Variants in IGF2BP3 observed in about 807,000 individuals in gnomAD.
The protein encoded by IGF2BP3 is insulin-like growth factor 2 mRNA-binding protein 3.
In IGF2BP3, 9 loss-of-function variants were observed where a neutral mutation model predicts 73.8. That is an observed-to-expected ratio of 0.12 (90% CI 0.07 to 0.21). The LOEUF (loss-of-function observed/expected upper bound fraction) is 0.21. IGF2BP3 is among the 10% of genes least tolerant of loss of function. The pLI is 1.00. For synonymous variants in IGF2BP3, 258 were observed against 256.7 expected, an observed-to-expected ratio of 1.01 and a Z score of -0.05; for missense variants, 542 against 714.0, an observed-to-expected ratio of 0.76 and a Z score of 2.75.
intron 12 of IGF2BP3, 141 bp from the exon 13 acceptor site, chr7:23,313,794 T>C (rs954039522): frequency 7.6e-6 from 6 of 793,428 alleles, no homozygotes; most frequent in Non-Finnish European, 1.2e-5. Context: ...GAAAATAACA[T>C]AGAAGAGAGC....
At chr7:23,443,926 T>C (rs1415102492) in intron 2 of IGF2BP3, among the ~76,000 whole-genome samples, 2 of 152,062 alleles carry the variant, frequency 1.3e-5, no homozygotes, top group African/African-American at 4.8e-5. Context: ...GGAGAATCGC[T>C]TGAACCCAGG....
At chr7:23,328,919 T>C (rs1269064652) in intron 10 of IGF2BP3, among the ~76,000 whole-genome samples, 1 of 151,984 alleles carries the variant, frequency 6.6e-6, no homozygotes, top group Non-Finnish European at 1.5e-5. Context: ...AGTAAAAATT[T>C]AAAACAAGAG....
chr7:23,332,961 A>T lies in IGF2BP3; in HGVS notation c.1203+9103T>A, dbSNP rs185786212. The stretch of plus-strand genomic sequence containing the variant: ...ATATACTTGGGGGAAGCTGGTGGTG[A>T]TAAAGACCTTTTCAATGGTCAAACT... On this transcript the variant is annotated intron_variant, in intron 10 of 14. Coordinates refer to ENST00000258729, the MANE Select transcript of IGF2BP3 (RefSeq NM_006547.3). Among the ~76,000 whole-genome samples the T allele has an allele frequency of 9.5e-4, 145 of 152,362 alleles. 2 individuals carry two copies. The Middle Eastern group carries it at 0.02, about 21-fold the overall frequency.
chr7:23,338,110 T>C (rs1784618843), intron 10 of IGF2BP3, among the ~76,000 whole-genome samples: 1 of 152,040 alleles, frequency 6.6e-6, no homozygotes, highest in African/African-American at 2.4e-5. Context: ...AAAACAGACA[T>C]AACGGCAACA....
intron 3 of IGF2BP3, among the ~76,000 whole-genome samples, chr7:23,378,898 G>A (rs930456820): frequency 2.0e-5 from 3 of 151,882 alleles, no homozygotes; most frequent in Admixed American, 6.6e-5. Context: ...AGGCTCCCCC[G>A]GAAGAGTACT....
At chr7:23,421,342 C>T (rs752511090) in intron 2 of IGF2BP3, among the ~76,000 whole-genome samples, 2 of 137,844 alleles carry the variant, frequency 1.5e-5, no homozygotes, top group Non-Finnish European at 3.3e-5. Context: ...AAAATATACC[C>T]TAATAAAAAG....
At chr7:23,347,481 G>T in intron 7 of IGF2BP3, 119 bp downstream of exon 7, 2 of 1,019,608 alleles carry the variant, frequency 2.0e-6, no homozygotes, top group Non-Finnish European at 2.9e-6. Context: ...AACCACTGTA[G>T]CTCATCAGGA....
chr7:23,451,555 T>C (rs913027560), intron 2 of IGF2BP3, among the ~76,000 whole-genome samples: 3 of 149,974 alleles, frequency 2.0e-5, no homozygotes, highest in African/African-American at 7.4e-5. Context: ...GATTGCACCA[T>C]TGAATTCCAC....
At chr7:23,423,247 C>T (rs1299437462) in intron 2 of IGF2BP3, among the ~76,000 whole-genome samples, 1 of 152,150 alleles carries the variant, frequency 6.6e-6, no homozygotes, top group African/African-American at 2.4e-5. Flanking sequence ...TTATAATCAT[C>T]CAGCACAGAT....
At chr7:23,380,477 C>A (rs911740321) in intron 3 of IGF2BP3, among the ~76,000 whole-genome samples, 1 of 152,094 alleles carries the variant, frequency 6.6e-6, no homozygotes, top group Non-Finnish European at 1.5e-5. Flanking sequence ...GCCCACCATG[C>A]TTCTTGGCCG....
At chr7:23,459,205 A>G (rs1788387531) in intron 2 of IGF2BP3, among the ~76,000 whole-genome samples, 1 of 152,206 alleles carries the variant, frequency 6.6e-6, no homozygotes, top group South Asian at 2.1e-4. Flanking sequence ...CTCAAAATCA[A>G]CTGATCTAAC....
intron 2 of IGF2BP3, among the ~76,000 whole-genome samples, chr7:23,429,249 CTT>C (rs1491312996): frequency 6.6e-6 from 1 of 152,110 alleles, no homozygotes; most frequent in Non-Finnish European, 1.5e-5. Context: ...CAGAAAGTCT[CTT>C]ATATTTGCAT....
At chr7:23,361,484 T>G in intron 5 of IGF2BP3, 50 bp downstream of exon 5, 1 of 1,461,554 alleles carries the variant, frequency 6.8e-7, no homozygotes, top group Non-Finnish European at 9.5e-7. Context: ...AATATGTTAC[T>G]GTACTTAACT....
chr7:23,351,718 A>G, intron 5 of IGF2BP3, 132 bp from the exon 6 acceptor site: 1 of 885,264 alleles, frequency 1.1e-6, no homozygotes, highest in Non-Finnish European at 1.7e-6. Flanking sequence ...CAGCACAAGC[A>G]GCAAACCCGC....
intron 7 of IGF2BP3, among the ~76,000 whole-genome samples, chr7:23,347,057 T>C (rs1784846320): frequency 1.3e-5 from 2 of 152,212 alleles, no homozygotes; most frequent in Non-Finnish European, 2.9e-5. Flanking sequence ...TTACTCTCGA[T>C]TCTACTTTCA....
Position 23,347,738 on chromosome 7 carries a change from A to C in IGF2BP3, c.684-4T>G. 1 of 1,613,928 alleles carries C rather than the reference A, an allele frequency of 6.2e-7. No individual in the cohort carries two copies. Among genetic ancestry groups the C allele is most frequent in the Non-Finnish European group, 8.5e-7 (1 of 1,179,982 alleles). On this transcript the variant is annotated splice_region_variant and splice_polypyrimidine_tract_variant and intron_variant, in intron 6 of 14. Coordinates refer to ENST00000258729, the MANE Select transcript of IGF2BP3 (RefSeq NM_006547.3). ...TTCTTTACGGTGGACATCGATTCTG[A>C]TAGTGGGCGCAAGCAGAGAGGAAAA...
intron 3 of IGF2BP3, among the ~76,000 whole-genome samples, chr7:23,369,789 T>C (rs1457737984): frequency 6.6e-6 from 1 of 152,088 alleles, no homozygotes; most frequent in South Asian, 2.1e-4. Flanking sequence ...ATACCAGATA[T>C]ATCCCCACCT....
chr7:23,312,942 C>CCTG, intron 13 of IGF2BP3, 94 bp from the exon 14 acceptor site: 1 of 696,940 alleles, frequency 1.4e-6, no homozygotes, highest in Non-Finnish European at 2.4e-6. Context: ...CTATGTATGG[C>CCTG]TTTACAAATT....
intron 2 of IGF2BP3, among the ~76,000 whole-genome samples, chr7:23,427,363 C>T (rs2128540038): frequency 6.6e-6 from 1 of 152,256 alleles, no homozygotes; most frequent in East Asian, 1.9e-4. Flanking sequence ...CCTCACTCCC[C>T]AATTCATTCT....
Sources: gnomAD v4.1 joint callset for allele counts (sites outside exome capture counted in the v4.1 genomes callset) on GRCh38, gnomAD v4.1.1 for gene constraint, MANE v1.5 for transcripts, NCBI Gene and HGNC (gene_info 2026-07-23, HGNC 2026-07-21) for gene names.